UNC13C: variants seen among roughly 807,000 people sequenced by gnomAD.
UNC13C encodes the protein unc-13 homolog C, also known as protein unc-13 homolog C.
Under a neutral mutation model 245.4 loss-of-function variants are expected in UNC13C, and 174 were observed. The observed-to-expected ratio is 0.71, with a 90% CI of 0.63 to 0.80. UNC13C has a LOEUF of 0.80. Ranked by LOEUF, UNC13C falls within the 30% of genes least tolerant of loss-of-function variation. UNC13C has a pLI of 0.00. For missense variants in UNC13C, 2,829 were observed against 2,602.9 expected (o/e 1.09, Z -1.89); for synonymous variants, 992 against 895.1 (o/e 1.11, Z -1.93).
At chr15:54,560,103 T>C (rs919712916) in intron 29 of UNC13C, among the ~76,000 whole-genome samples, 3 of 151,828 alleles carry the variant, frequency 2.0e-5, no homozygotes, top group African/African-American at 7.3e-5. Context: ...AATTATAAAG[T>C]TAAGGTGGGT....
intron 29 of UNC13C, among the ~76,000 whole-genome samples, chr15:54,564,685 A>G (rs1388119168): frequency 6.6e-6 from 1 of 152,030 alleles, no homozygotes; most frequent in Non-Finnish European, 1.5e-5. Context: ...GCCCAGTGAT[A>G]TAGGTGTCCT....
rs568595512 is a variant in UNC13C, at chr15:54,538,693, C to T, written c.5696+5627C>T. Among the ~76,000 whole-genome samples the T allele has an allele frequency of 2.6e-5, 4 of 152,048 alleles. No individual in the cohort carries two copies. In the South Asian group the frequency reaches 6.2e-4, roughly 24 times the overall value. ...AAAATGAATGAGATCATGACCTCTG[C>T]GGCAACATGGATGGAACTGGAGGCC... On this transcript the variant is annotated intron_variant, in intron 26 of 32. Coordinates refer to ENST00000260323, the MANE Select transcript of UNC13C (RefSeq NM_001080534.3).
At chr15:54,060,749 A>C (rs1423621013) in intron 2 of UNC13C, among the ~76,000 whole-genome samples, 2 of 152,214 alleles carry the variant, frequency 1.3e-5, no homozygotes, top group Non-Finnish European at 2.9e-5. Flanking sequence ...CTGGATTAAG[A>C]AAATGTGGCA....
chr15:54,287,958 C>G lies in UNC13C; in HGVS notation c.3819-5937C>G, dbSNP rs114234144. On this transcript the variant is annotated intron_variant, in intron 10 of 32. Coordinates refer to ENST00000260323, the MANE Select transcript of UNC13C (RefSeq NM_001080534.3). Reference sequence around the variant, plus strand: ...CAGTTACTGCATTTAGCTTGAAGTCCAGGATCTTTCTGTAGTCTCTTCACA... The same window carrying G: ...CAGTTACTGCATTTAGCTTGAAGTCGAGGATCTTTCTGTAGTCTCTTCACA... 2.6e-3 allele frequency among the ~76,000 whole-genome samples: 397 copies of G among 152,156 alleles called. 1 individual carries two copies. Among genetic ancestry groups the G allele is most frequent in the African/African-American group, 9.2e-3 (383 of 41,524 alleles).
At chr15:53,945,895 C>T in the UNC13C span, among the ~76,000 whole-genome samples, 2,562 of 152,048 alleles carry the variant, frequency 0.017, 113 homozygotes, top group East Asian at 0.15. Flanking sequence ...AATGTTTTTC[C>T]ATTTGTTTGT....
chr15:54,401,235 T>C (rs1047419082), intron 18 of UNC13C, among the ~76,000 whole-genome samples: 2 of 152,162 alleles, frequency 1.3e-5, no homozygotes, highest in Non-Finnish European at 2.9e-5. Flanking sequence ...TTCATTTCAA[T>C]TTAATAAATA....
chr15:54,154,009 C>T (rs963294998), intron 4 of UNC13C, among the ~76,000 whole-genome samples: 2 of 151,890 alleles, frequency 1.3e-5, no homozygotes, highest in African/African-American at 4.8e-5. Context: ...AATTGAAATA[C>T]TCATTACCTT....
intron 30 of UNC13C, among the ~76,000 whole-genome samples, chr15:54,572,430 T>C (rs1897795833): frequency 2.0e-5 from 3 of 149,336 alleles, no homozygotes; most frequent in South Asian, 4.3e-4. Flanking sequence ...TTTAATTTTT[T>C]TTTTTTTTTT....
intron 2 of UNC13C, among the ~76,000 whole-genome samples, chr15:54,136,595 G>A (rs1344750591): frequency 6.6e-6 from 1 of 151,920 alleles, no homozygotes; most frequent in African/African-American, 2.4e-5. Flanking sequence ...GGATAGAAAC[G>A]ATGAGAGTGG....
chr15:53,935,319 A>G, the UNC13C span, among the ~76,000 whole-genome samples: 4 of 151,992 alleles, frequency 2.6e-5, no homozygotes, highest in South Asian at 2.1e-4. Flanking sequence ...CCCTCTGTTC[A>G]TTTATTTGGG....
At chr15:53,958,098 A>T in the UNC13C span, among the ~76,000 whole-genome samples, 2 of 152,326 alleles carry the variant, frequency 1.3e-5, no homozygotes, top group African/African-American at 4.8e-5. Flanking sequence ...TAATAGGAGC[A>T]TGAGAAATAC....
intron 10 of UNC13C, among the ~76,000 whole-genome samples, chr15:54,275,557 T>A (rs1197641566): frequency 3.3e-5 from 5 of 152,272 alleles, no homozygotes; most frequent in South Asian, 2.1e-4. Flanking sequence ...TATGTATATA[T>A]CTTTAAGTTA....
chr15:54,002,567 C>T (rs1894946586), intron 1 of UNC13C, among the ~76,000 whole-genome samples: 2 of 152,098 alleles, frequency 1.3e-5, no homozygotes, highest in Admixed American at 6.5e-5. Context: ...ATGTGTCAAA[C>T]GTGGTGGGAC....
the UNC13C span, among the ~76,000 whole-genome samples, chr15:53,838,562 G>C: frequency 5.3e-5 from 8 of 151,918 alleles, no homozygotes; most frequent in African/African-American, 1.9e-4. Context: ...CAAACTTAAA[G>C]TGGAAAATTA....
At chr15:54,390,717 C>T (rs978236493) in intron 17 of UNC13C, among the ~76,000 whole-genome samples, 2 of 151,758 alleles carry the variant, frequency 1.3e-5, no homozygotes, top group African/African-American at 4.8e-5. Flanking sequence ...ACTACAATAA[C>T]CTTAATTTTT....
At chr15:54,502,024 A>G (rs1285320779) in intron 22 of UNC13C, among the ~76,000 whole-genome samples, 1 of 152,188 alleles carries the variant, frequency 6.6e-6, no homozygotes, top group Non-Finnish European at 1.5e-5. Flanking sequence ...ATTTTTATGC[A>G]GGGTAGTGAC....
At chr15:53,973,901 C>A (rs1893617508), upstream of UNC13C, among the ~76,000 whole-genome samples, 1 of 151,894 alleles carries the variant, frequency 6.6e-6, no homozygotes, top group Non-Finnish European at 1.5e-5. Context: ...TAATTTTTTT[C>A]AAAAAATTAC....
At chr15:54,461,373 C>T (rs57849319) in intron 19 of UNC13C, among the ~76,000 whole-genome samples, 3,473 of 152,218 alleles carry the variant, frequency 0.023, 47 homozygotes, top group African/African-American at 0.042. Flanking sequence ...AAATCCAAAA[C>T]ACTACTGGTC....
At position 54,203,484 on chromosome 15, in the gene UNC13C, GTA is replaced by G. The variant is rs576221587; in HGVS notation, c.3072-31527_3072-31526del. On this transcript the variant is annotated intron_variant, in intron 4 of 32. Transcript: ENST00000260323. ...GTAGTGTGTGTGTATATGTGTGTGT[GTA>G]TATATATATATATATATACACACAC... is the stretch of plus-strand genomic sequence containing the variant. 1.3e-3 allele frequency among the ~76,000 whole-genome samples: 180 copies of G among 139,628 alleles called. 1 individual carries two copies. Among genetic ancestry groups the G allele is most frequent in the African/African-American group, 2.9e-3 (113 of 38,824 alleles). 91.6% of individuals were successfully genotyped at this position (139,628 alleles called of 152,430 possible).
Sources: gnomAD v4.1 joint callset for allele counts (sites outside exome capture counted in the v4.1 genomes callset) on GRCh38, gnomAD v4.1.1 for gene constraint, MANE v1.5 for transcripts, NCBI Gene and HGNC (gene_info 2026-07-23, HGNC 2026-07-21) for gene names.